Variants in MYO18B observed in about 807,000 individuals in gnomAD.
The protein encoded by MYO18B is myosin XVIIIB.
MYO18B carries 204 observed loss-of-function variants against 273.0 expected under a neutral mutation model. That is an observed-to-expected ratio of 0.75 (90% CI 0.67 to 0.84). The LOEUF (loss-of-function observed/expected upper bound fraction) is 0.84. Ranked by LOEUF, MYO18B falls within the 40% of genes least tolerant of loss-of-function variation. The pLI is 0.00. For synonymous variants in MYO18B, 1,330 were observed against 1,305.7 expected (o/e 1.02, Z -0.40); for missense variants, 3,212 against 3,287.6 (o/e 0.98, Z 0.56).
At chr22:26,033,674 T>C (rs1936712434), downstream of MYO18B, among the ~76,000 whole-genome samples, 1 of 152,170 alleles carries the variant, frequency 6.6e-6, no homozygotes, top group South Asian at 2.1e-4. Context: ...CAACACAGCC[T>C]GGAGCAGAAG....
At chr22:25,890,987 T>G in intron 26 of MYO18B, 112 bp downstream of exon 26, 1 of 1,429,776 alleles carries the variant, frequency 7.0e-7, no homozygotes, top group East Asian at 2.5e-5. Context: ...ATGCACAGGT[T>G]GACTGACTGC....
At chr22:25,992,695 CCT>C (rs1033638545) in intron 40 of MYO18B, among the ~76,000 whole-genome samples, 1 of 152,214 alleles carries the variant, frequency 6.6e-6, no homozygotes, top group African/African-American at 2.4e-5. Context: ...GTTGCTAAAA[CCT>C]CTCAGTCCAG....
chr22:25,838,123 T>C (rs2089961287), intron 17 of MYO18B, among the ~76,000 whole-genome samples: 1 of 151,232 alleles, frequency 6.6e-6, no homozygotes, highest in African/African-American at 2.4e-5. Context: ...GGCAATTCTT[T>C]AATATATGCC....
chr22:25,824,635 C>T (rs1479050966), intron 13 of MYO18B, among the ~76,000 whole-genome samples: 1 of 152,066 alleles, frequency 6.6e-6, no homozygotes, highest in Non-Finnish European at 1.5e-5. Flanking sequence ...AGCTCCTTTG[C>T]ACCTTTGGAG....
chr22:25,866,784 CAAAAAAAAA>C (rs56260207), intron 21 of MYO18B, among the ~76,000 whole-genome samples: 4 of 40,168 alleles, frequency 1.0e-4, no homozygotes, highest in East Asian at 9.4e-4. Flanking sequence ...GACTCCGTCT[CAAAAAAAAA>C]AAAAAAAAAA....
intron 34 of MYO18B, among the ~76,000 whole-genome samples, chr22:25,938,309 G>C (rs761580815): frequency 9.2e-5 from 14 of 152,202 alleles, no homozygotes; most frequent in Admixed American, 2.0e-4. Context: ...CTATTCAACA[G>C]TTTGTAGTTG....
intron 12 of MYO18B, among the ~76,000 whole-genome samples, chr22:25,811,948 A>G (rs1286787667): frequency 6.6e-6 from 1 of 152,212 alleles, no homozygotes. Flanking sequence ...TAACACGGAC[A>G]GGTTGACTCA....
chr22:25,796,700 G>A (rs2087927934), intron 11 of MYO18B, among the ~76,000 whole-genome samples: 1 of 152,164 alleles, frequency 6.6e-6, no homozygotes, highest in Non-Finnish European at 1.5e-5. Context: ...GTGGCTACAA[G>A]AAGCAGTATC....
intron 39 of MYO18B, 59 bp from the exon 40 acceptor site, chr22:25,992,304 T>C: frequency 6.2e-7 from 1 of 1,602,310 alleles, no homozygotes; most frequent in Non-Finnish European, 8.5e-7. Context: ...CCCCAGTGCA[T>C]GCATGGGTGG....
chr22:25,782,544 G>A (rs2145670262), intron 10 of MYO18B, among the ~76,000 whole-genome samples: 1 of 152,324 alleles, frequency 6.6e-6, no homozygotes, highest in South Asian at 2.1e-4. Flanking sequence ...TGTGGCTCAT[G>A]TGGCTTCCTC....
chr22:26,036,679 G>T, the MYO18B span, among the ~76,000 whole-genome samples: 7 of 152,166 alleles, frequency 4.6e-5, no homozygotes, highest in Non-Finnish European at 1.0e-4. Flanking sequence ...TTGCTGCAAA[G>T]GGTAGGGGAA....
rs1341907936 is a variant in MYO18B, at chr22:25,952,281, T to TA, written c.5833-4dup. ...ATGTCCAATAGACTTCTCTCATACT[T>TA]ACAGCTGCAGGTGGCTCAGATGCGC... On this transcript the variant is annotated splice_region_variant and splice_polypyrimidine_tract_variant and intron_variant, in intron 37 of 43. Coordinates refer to ENST00000335473, the MANE Select transcript of MYO18B (RefSeq NM_032608.7). 6 of 1,608,326 alleles carry TA rather than the reference T, an allele frequency of 3.7e-6. No individual in the cohort carries two copies. The Admixed American group carries it at 1.0e-4, about 27-fold the overall frequency.
At chr22:25,925,806 G>A (rs1461693276) in intron 34 of MYO18B, among the ~76,000 whole-genome samples, 1 of 150,642 alleles carries the variant, frequency 6.6e-6, no homozygotes, top group Non-Finnish European at 1.5e-5. Flanking sequence ...TCAGGAGGCT[G>A]AGGCAGGAGA....
chr22:26,039,642 A>G, the MYO18B span, among the ~76,000 whole-genome samples: 1 of 152,060 alleles, frequency 6.6e-6, no homozygotes, highest in Non-Finnish European at 1.5e-5. Flanking sequence ...ATATATGTAT[A>G]TATAATTTCA....
intron 13 of MYO18B, among the ~76,000 whole-genome samples, chr22:25,824,956 C>T (rs1246630840): frequency 6.6e-6 from 1 of 151,794 alleles, no homozygotes. Flanking sequence ...ACATATACTG[C>T]AAGCATACAC....
At chr22:25,881,144 G>A (rs2091322346) in intron 25 of MYO18B, among the ~76,000 whole-genome samples, 1 of 152,240 alleles carries the variant, frequency 6.6e-6, no homozygotes, top group African/African-American at 2.4e-5. Context: ...GCTCATGTGG[G>A]GATGTGGAAT....
At chr22:25,911,712 G>A (rs758070672) in intron 33 of MYO18B, among the ~76,000 whole-genome samples, 19 of 152,206 alleles carry the variant, frequency 1.2e-4, no homozygotes, top group African/African-American at 3.9e-4. Flanking sequence ...CACCTCAGTT[G>A]TGACGACCAA....
chr22:25,828,679 A>C lies in MYO18B; in HGVS notation c.2787-97A>C, dbSNP rs1031185127. 6.7e-6 allele frequency: 8 copies of C among 1,191,638 alleles called. No individual in the cohort carries two copies. In the African/African-American group the frequency reaches 1.1e-4, roughly 16 times the overall value. The allele number at this position is 1,191,638 out of a possible 1,614,324, so 73.8% of individuals were successfully genotyped here. A position where few individuals can be genotyped will look rare whatever the true frequency, so the allele number is the denominator to read the frequency against. On this transcript the variant is annotated intron_variant, in intron 14 of 43. Transcript: ENST00000335473. ...GAGGTCACACAGCCTGTAAGAGGTG[A>C]GCTTGGTTTTGAAACCAGTTCTGCT...
chr22:26,051,324 C>T, the MYO18B span, among the ~76,000 whole-genome samples: 606 of 149,676 alleles, frequency 4.0e-3, 5 homozygotes, highest in African/African-American at 0.014. Context: ...CCCGGGTTCA[C>T]GCCATTCTCC....
Sources: gnomAD v4.1 joint callset for allele counts (sites outside exome capture counted in the v4.1 genomes callset) on GRCh38, gnomAD v4.1.1 for gene constraint, MANE v1.5 for transcripts, NCBI Gene and HGNC (gene_info 2026-07-23, HGNC 2026-07-21) for gene names.